Variants in PLEKHH2 observed in about 807,000 individuals in gnomAD.
The protein encoded by PLEKHH2 is pleckstrin homology, MyTH4 and FERM domain containing H2.
A neutral mutation model predicts 187.9 loss-of-function variants in PLEKHH2; 129 were observed. That is an observed-to-expected ratio of 0.69 (90% CI 0.59 to 0.79). PLEKHH2 has a LOEUF of 0.79. Among genes scored for constraint, PLEKHH2 ranks in the 30% least tolerant of loss-of-function variants. The probability of loss-of-function intolerance (pLI) is 0.00; values close to 1 mark genes in which losing one functional copy is unlikely to be tolerated. For synonymous variants in PLEKHH2, 686 were observed against 605.6 expected, an observed-to-expected ratio of 1.13 and a Z score of -1.95; for missense variants, 2,076 against 1,751.2, an observed-to-expected ratio of 1.19 and a Z score of -3.31.
chr2:43,722,565 A>G (rs1572620075), intron 16 of PLEKHH2, among the ~76,000 whole-genome samples: 1 of 152,272 alleles, frequency 6.6e-6, no homozygotes, highest in Middle Eastern at 3.4e-3. Context: ...CTCACAGGAA[A>G]CTCTAACTGG....
At chr2:43,738,580 A>T in intron 20 of PLEKHH2, 60 bp downstream of exon 20, 1 of 1,433,276 alleles carries the variant, frequency 7.0e-7, no homozygotes, top group Middle Eastern at 1.8e-4. Context: ...TCTGATTGTA[A>T]GAATGATACA....
intron 27 of PLEKHH2, among the ~76,000 whole-genome samples, chr2:43,760,482 C>G (rs1672382924): frequency 6.6e-6 from 1 of 151,454 alleles, no homozygotes; most frequent in Non-Finnish European, 1.5e-5. Flanking sequence ...CACGCTTCAG[C>G]CTTCCAAGTA....
chr2:43,681,860 G>A (rs186704450), intron 3 of PLEKHH2, among the ~76,000 whole-genome samples: 2 of 152,268 alleles, frequency 1.3e-5, no homozygotes, highest in Admixed American at 6.5e-5. Context: ...GGTAGAGTAA[G>A]TGCCTAATAG....
intron 19 of PLEKHH2, among the ~76,000 whole-genome samples, chr2:43,733,864 G>A (rs188024229): frequency 1.7e-3 from 264 of 152,210 alleles, no homozygotes; most frequent in African/African-American, 6.0e-3. Context: ...ATACCCACCT[G>A]TAGAGTACAC....
intron 23 of PLEKHH2, among the ~76,000 whole-genome samples, chr2:43,745,249 G>A (rs4519574): frequency 6.6e-6 from 1 of 152,174 alleles, no homozygotes; most frequent in Non-Finnish European, 1.5e-5. Flanking sequence ...CCAGGAGGCG[G>A]AGGTTGTAGT....
At chr2:43,716,962 A>G (rs756897019) in intron 15 of PLEKHH2, among the ~76,000 whole-genome samples, 5 of 152,234 alleles carry the variant, frequency 3.3e-5, no homozygotes, top group Admixed American at 6.5e-5. Flanking sequence ...ATTTGTTAGA[A>G]GCAAAGGAAT....
At chr2:43,726,560 A>G (rs1479149686) in intron 17 of PLEKHH2, 109 bp downstream of exon 17, 2 of 1,013,812 alleles carry the variant, frequency 2.0e-6, no homozygotes, top group Non-Finnish European at 2.9e-6. Context: ...AAATTTTGCT[A>G]TAGACTTTCA....
chr2:43,657,603 C>A (rs548489006), intron 2 of PLEKHH2, among the ~76,000 whole-genome samples: 1 of 152,324 alleles, frequency 6.6e-6, no homozygotes, highest in Admixed American at 6.5e-5. Context: ...TGGAGGACAT[C>A]CCATGGAAAA....
intron 9 of PLEKHH2, among the ~76,000 whole-genome samples, chr2:43,705,416 T>C (rs1044150129): frequency 5.3e-5 from 8 of 151,266 alleles, no homozygotes; most frequent in Non-Finnish European, 8.9e-5. Flanking sequence ...CCACCATGCC[T>C]TGATACTTTT....
chr2:43,707,324 TA>T, intron 10 of PLEKHH2, 76 bp from the exon 11 acceptor site: 1 of 1,557,974 alleles, frequency 6.4e-7, no homozygotes, highest in Non-Finnish European at 8.8e-7. Flanking sequence ...GAGGCGACCC[TA>T]ATAACTAGCA....
chr2:43,685,425 T>C (rs571417332), intron 3 of PLEKHH2, among the ~76,000 whole-genome samples: 1 of 152,266 alleles, frequency 6.6e-6, no homozygotes, highest in East Asian at 1.9e-4. Flanking sequence ...AGTACATCTT[T>C]TTTTTGTTTG....
rs554427102 is a variant in PLEKHH2, at chr2:43,674,430, G to C, written c.124-4433G>C. ...ATGTGGTATTGGCATGTGTTTGCTA[G>C]TTGGTTTTTGGTTTAGGGAATATTC... On this transcript the variant is annotated intron_variant, in intron 2 of 29. Coordinates refer to ENST00000282406, the MANE Select transcript of PLEKHH2 (RefSeq NM_172069.4). 1.6e-3 allele frequency among the ~76,000 whole-genome samples: 241 copies of C among 152,310 alleles called. 1 individual carries two copies. Among genetic ancestry groups the C allele is most frequent in the Non-Finnish European group, 2.8e-3 (189 of 68,020 alleles).
chr2:43,693,760 A>T (rs1668953548), intron 4 of PLEKHH2, among the ~76,000 whole-genome samples: 2 of 148,684 alleles, frequency 1.3e-5, no homozygotes, highest in African/African-American at 2.5e-5. Flanking sequence ...TGCACTGGGG[A>T]TTGGGGTTAT....
intron 23 of PLEKHH2, 68 bp downstream of exon 23, chr2:43,744,057 G>C: frequency 6.5e-7 from 1 of 1,535,388 alleles, no homozygotes; most frequent in Non-Finnish European, 8.8e-7. Context: ...TACAAGAAGA[G>C]TAAACTTTGC....
chr2:43,731,446 AGTGG>A (rs1671031971), intron 18 of PLEKHH2, 40 bp from the exon 19 acceptor site: 1 of 1,260,934 alleles, frequency 7.9e-7, no homozygotes, highest in African/African-American at 1.5e-5. Context: ...GGCCACAATA[AGTGG>A]TTTATTCAGT....
At chr2:43,692,460 A>G in intron 3 of PLEKHH2, 54 bp from the exon 4 acceptor site, 2 of 1,408,698 alleles carry the variant, frequency 1.4e-6, no homozygotes, top group Non-Finnish European at 1.9e-6. Context: ...TAGGTTTAAT[A>G]CTGTGATAAC....
rs1558524843 is a variant in PLEKHH2 at position 43,704,014 on chromosome 2, A to G, written c.1684A>G (p.Ile562Val). 6.9e-6 allele frequency: 11 copies of G among 1,594,972 alleles called. No individual in the cohort carries two copies. The highest frequency in any genetic ancestry group is 9.4e-6 in the Non-Finnish European group (11 of 1,171,452). The change falls in exon 9 of 30, where the codon ATT becomes GTT. Residue 562 changes from isoleucine (I) to valine (V), a missense_variant. Ile to Val is a conservative substitution (Grantham distance 29). Transcript: ENST00000282406. ...AATTTATGCTGTAGCCAAATCAGGT[A>G]TTCGAATGTCTGAGGCCTTCAATAT... ...SRIYAVAKSGIRMSEAFNMES... is the reference protein window; with the variant it reads ...SRIYAVAKSGVRMSEAFNMES...
At chr2:43,650,166 T>TC (rs1666395058) in intron 2 of PLEKHH2, among the ~76,000 whole-genome samples, 10 of 133,062 alleles carry the variant, frequency 7.5e-5, no homozygotes, top group Admixed American at 2.3e-4. Flanking sequence ...TTTTTTTTTT[T>TC]CTGAGATGGA....
At chr2:43,688,912 A>G (rs952347325) in intron 3 of PLEKHH2, among the ~76,000 whole-genome samples, 4 of 152,192 alleles carry the variant, frequency 2.6e-5, no homozygotes, top group South Asian at 2.1e-4. Context: ...GAGGTCAGTC[A>G]TGTAGGTCTG....
Sources: allele counts gnomAD v4.1 joint callset (sites outside exome capture counted in the v4.1 genomes callset), GRCh38; gene constraint gnomAD v4.1.1; transcripts MANE v1.5; gene names NCBI Gene and HGNC (gene_info 2026-07-23, HGNC 2026-07-21).